LRRC4C: variants seen among roughly 807,000 people sequenced by gnomAD.
LRRC4C encodes leucine rich repeat containing 4C, also known as leucine-rich repeat-containing protein 4C.
In LRRC4C, 5 loss-of-function variants were observed where a neutral mutation model predicts 33.6. The ratio of observed to expected loss-of-function variants is 0.15; its 90% CI spans 0.08 to 0.31. The LOEUF (loss-of-function observed/expected upper bound fraction) is 0.31. LRRC4C is among the 10% of genes least tolerant of loss of function. The pLI is 1.00. For missense variants in LRRC4C, 560 were observed against 796.7 expected (o/e 0.70, Z 3.58); for synonymous variants, 329 against 302.0 (o/e 1.09, Z -0.93).
intron 2 of LRRC4C, among the ~76,000 whole-genome samples, chr11:40,750,567 T>C (rs1245593050): frequency 6.9e-6 from 1 of 144,150 alleles, no homozygotes; most frequent in Non-Finnish European, 1.5e-5. Flanking sequence ...AGAAACCAAA[T>C]ACCGCATGTT....
At chr11:40,370,199 G>C (rs995634881) in intron 3 of LRRC4C, among the ~76,000 whole-genome samples, 3 of 152,100 alleles carry the variant, frequency 2.0e-5, no homozygotes, top group Non-Finnish European at 2.9e-5. Flanking sequence ...ATGGAGCTGA[G>C]AGCCAGCCAG....
chr11:40,613,420 T>C (rs549560322), intron 3 of LRRC4C, among the ~76,000 whole-genome samples: 3 of 151,996 alleles, frequency 2.0e-5, no homozygotes, highest in African/African-American at 7.2e-5. Context: ...TCCTTATTCA[T>C]TAAAATTTTG....
At chr11:41,127,146 C>T (rs1250463338) in intron 1 of LRRC4C, among the ~76,000 whole-genome samples, 2 of 152,008 alleles carry the variant, frequency 1.3e-5, no homozygotes, top group Admixed American at 1.3e-4. Flanking sequence ...GCATGTACCA[C>T]ACTTTGCTAA....
At chr11:41,424,818 C>A (rs1040658858) in intron 1 of LRRC4C, among the ~76,000 whole-genome samples, 1 of 151,928 alleles carries the variant, frequency 6.6e-6, no homozygotes, top group Non-Finnish European at 1.5e-5. Flanking sequence ...TGTCATGCTT[C>A]CCCAAGGAAT....
intron 1 of LRRC4C, among the ~76,000 whole-genome samples, chr11:41,372,315 A>T (rs1952781009): frequency 6.6e-6 from 1 of 152,234 alleles, no homozygotes; most frequent in Non-Finnish European, 1.5e-5. Context: ...TAGCTCCTTC[A>T]GTGAATACAA....
At chr11:40,434,585 A>AT (rs1487405051) in intron 3 of LRRC4C, among the ~76,000 whole-genome samples, 2 of 152,212 alleles carry the variant, frequency 1.3e-5, no homozygotes, top group Non-Finnish European at 2.9e-5. Context: ...GTAGCCCATG[A>AT]TTTTCAACAC....
intron 2 of LRRC4C, among the ~76,000 whole-genome samples, chr11:40,816,202 G>T (rs1319160366): frequency 6.6e-6 from 1 of 152,184 alleles, no homozygotes; most frequent in Non-Finnish European, 1.5e-5. Context: ...GCAAATGGAA[G>T]ATCATTAATT....
intron 1 of LRRC4C, among the ~76,000 whole-genome samples, chr11:41,410,683 A>G (rs915035890): frequency 9.2e-5 from 14 of 151,646 alleles, no homozygotes; most frequent in Admixed American, 3.3e-4. Context: ...CTCGTGATCC[A>G]CCCGCTTCGG....
At chr11:40,694,832 G>A (rs1429998575) in intron 2 of LRRC4C, among the ~76,000 whole-genome samples, 3 of 152,128 alleles carry the variant, frequency 2.0e-5, no homozygotes, top group African/African-American at 7.2e-5. Context: ...TAAGATGGGT[G>A]AAGTTCATCC....
intron 2 of LRRC4C, among the ~76,000 whole-genome samples, chr11:40,681,736 C>T (rs930171535): frequency 2.0e-5 from 3 of 151,754 alleles, no homozygotes; most frequent in East Asian, 1.9e-4. Context: ...CCCGTCTCTA[C>T]AAAAAATATG....
At chr11:40,740,568 A>G (rs763738675) in intron 2 of LRRC4C, among the ~76,000 whole-genome samples, 61 of 151,888 alleles carry the variant, frequency 4.0e-4, no homozygotes, top group Non-Finnish European at 6.8e-4. Context: ...TATAGTTTGC[A>G]TATATTTTCC....
At chr11:41,173,012 T>G (rs1045411773) in intron 1 of LRRC4C, among the ~76,000 whole-genome samples, 1 of 152,114 alleles carries the variant, frequency 6.6e-6, no homozygotes, top group Admixed American at 6.6e-5. Flanking sequence ...AAACTAGATA[T>G]TTGGAATCCA....
chr11:41,091,545 C>A (rs982674293), intron 1 of LRRC4C, among the ~76,000 whole-genome samples: 24 of 151,996 alleles, frequency 1.6e-4, no homozygotes, highest in Non-Finnish European at 7.4e-5. Context: ...GACATTCCTG[C>A]AAACTTTGAT....
At chr11:40,402,834 A>G (rs535615787) in intron 3 of LRRC4C, among the ~76,000 whole-genome samples, 2 of 152,086 alleles carry the variant, frequency 1.3e-5, no homozygotes, top group African/African-American at 4.8e-5. Flanking sequence ...TTTTACCTAT[A>G]AAGAAACAGG....
intron 2 of LRRC4C, among the ~76,000 whole-genome samples, chr11:40,680,025 C>T (rs148415550): frequency 7.4e-4 from 112 of 152,178 alleles, no homozygotes; most frequent in African/African-American, 2.5e-3. Flanking sequence ...CTAGGGGTGG[C>T]GCTACCCAAG....
At chr11:41,270,769 C>T (rs1028521732) in intron 1 of LRRC4C, among the ~76,000 whole-genome samples, 2 of 152,070 alleles carry the variant, frequency 1.3e-5, no homozygotes, top group Non-Finnish European at 2.9e-5. Flanking sequence ...TAGCAAATGA[C>T]TACAAATTTG....
At chr11:40,991,151 G>A (rs1592278800) in intron 1 of LRRC4C, among the ~76,000 whole-genome samples, 1 of 117,142 alleles carries the variant, frequency 8.5e-6, no homozygotes. Context: ...CAAAAAATCA[G>A]AATTGTGGAA....
chr11:40,604,687 A>T (rs1451647603), intron 3 of LRRC4C, among the ~76,000 whole-genome samples: 2 of 152,170 alleles, frequency 1.3e-5, no homozygotes, highest in Non-Finnish European at 2.9e-5. Flanking sequence ...ACACAAAGGT[A>T]TTATATTTAT....
intron 5 of LRRC4C, among the ~76,000 whole-genome samples, chr11:40,185,241 A>G (rs1179304420): frequency 6.6e-6 from 1 of 152,142 alleles, no homozygotes; most frequent in Non-Finnish European, 1.5e-5. Flanking sequence ...CTTCTTCAAC[A>G]TCACCCTTTT....
Sources: allele counts gnomAD v4.1 joint callset (sites outside exome capture counted in the v4.1 genomes callset), GRCh38; gene constraint gnomAD v4.1.1; transcripts MANE v1.5; gene names NCBI Gene and HGNC (gene_info 2026-07-23, HGNC 2026-07-21).